Variants in PPP2R5E observed in about 807,000 individuals in gnomAD.
PPP2R5E encodes the protein serine/threonine-protein phosphatase 2A 56 kDa regulatory subunit epsilon isoform.
Under a neutral mutation model 65.3 loss-of-function variants are expected in PPP2R5E, and 4 were observed. The observed-to-expected ratio is 0.06, with a 90% CI of 0.03 to 0.14. The LOEUF (loss-of-function observed/expected upper bound fraction) is 0.14. PPP2R5E is among the 10% of genes least tolerant of loss of function. PPP2R5E has a pLI of 1.00. For synonymous variants in PPP2R5E, 183 were observed against 187.4 expected (o/e 0.98, Z 0.19); for missense variants, 274 against 556.1 (o/e 0.49, Z 5.10).
chr14:63,532,810 A>G (rs999859783), intron 2 of PPP2R5E, among the ~76,000 whole-genome samples: 1 of 152,182 alleles, frequency 6.6e-6, no homozygotes, highest in Non-Finnish European at 1.5e-5. Flanking sequence ...TGTAGTAACC[A>G]CTAAAATAGA....
chr14:63,443,206 G>A (rs1449567229), intron 3 of PPP2R5E, among the ~76,000 whole-genome samples: 6 of 152,046 alleles, frequency 3.9e-5, no homozygotes, highest in Non-Finnish European at 7.4e-5. Context: ...ACAACGTAAC[G>A]AACTCAAAGA....
chr14:63,476,661 T>C (rs1890426508), intron 2 of PPP2R5E, among the ~76,000 whole-genome samples: 1 of 152,192 alleles, frequency 6.6e-6, no homozygotes, highest in South Asian at 2.1e-4. Context: ...AGGCATTCAA[T>C]GCCCTACTAT....
chr14:63,423,362 G>T (rs1377847536), intron 3 of PPP2R5E, among the ~76,000 whole-genome samples: 2 of 152,202 alleles, frequency 1.3e-5, no homozygotes, highest in African/African-American at 4.8e-5. Flanking sequence ...CTCCCAAAGT[G>T]CAGGGATTAC....
chr14:63,541,435 T>C (rs1893901300), intron 1 of PPP2R5E, among the ~76,000 whole-genome samples: 1 of 152,240 alleles, frequency 6.6e-6, no homozygotes, highest in African/African-American at 2.4e-5. Flanking sequence ...CACTTTTGAA[T>C]TGTTTAACCC....
At chr14:63,441,908 TA>T (rs11291949) in intron 3 of PPP2R5E, among the ~76,000 whole-genome samples, 45,667 of 133,426 alleles carry the variant, frequency 0.34, 9,219 homozygotes, top group African/African-American at 0.6. Context: ...AGACTCCGTC[TA>T]AAAAAAAAAA....
intron 2 of PPP2R5E, among the ~76,000 whole-genome samples, chr14:63,461,846 A>C (rs1281184001): frequency 7.5e-6 from 1 of 133,522 alleles, no homozygotes. Context: ...CCCCTCACAC[A>C]TACACACACA....
chr14:63,529,182 G>A (rs1295730978), intron 2 of PPP2R5E, among the ~76,000 whole-genome samples: 1 of 152,004 alleles, frequency 6.6e-6, no homozygotes, highest in Non-Finnish European at 1.5e-5. Context: ...GGTTGATCTT[G>A]AACACCTGGC....
At chr14:63,491,587 C>A (rs1199948685) in intron 2 of PPP2R5E, among the ~76,000 whole-genome samples, 1 of 152,030 alleles carries the variant, frequency 6.6e-6, no homozygotes, top group Non-Finnish European at 1.5e-5. Flanking sequence ...GTGGCTCATG[C>A]CTATAATGGC....
chr14:63,520,674 T>C (rs905257793), intron 2 of PPP2R5E, among the ~76,000 whole-genome samples: 1 of 151,812 alleles, frequency 6.6e-6, no homozygotes, highest in Non-Finnish European at 1.5e-5. Flanking sequence ...GTTAGCCAGG[T>C]CCTAGGCGGA....
intron 2 of PPP2R5E, among the ~76,000 whole-genome samples, chr14:63,469,562 C>T (rs763229373): frequency 1.3e-5 from 2 of 152,116 alleles, no homozygotes; most frequent in African/African-American, 4.8e-5. Flanking sequence ...GGCGTGGTGG[C>T]GAGCGCCTGT....
chr14:63,392,108 A>C (rs1463119132), intron 8 of PPP2R5E, 83 bp from the exon 9 acceptor site: 10 of 1,050,600 alleles, frequency 9.5e-6, no homozygotes, highest in Admixed American at 2.8e-5. Context: ...AACTTCCTAA[A>C]AGGTTTCCAG....
At chr14:63,464,658 T>G (rs1263086119) in intron 2 of PPP2R5E, among the ~76,000 whole-genome samples, 1 of 152,200 alleles carries the variant, frequency 6.6e-6, no homozygotes, top group African/African-American at 2.4e-5. Context: ...AATCACACTT[T>G]TACTGTTTAC....
intron 3 of PPP2R5E, chr14:63,451,844 T>C (rs1031965279): frequency 7.2e-5 from 11 of 152,194 alleles, no homozygotes; most frequent in African/African-American, 2.7e-4. Flanking sequence ...GAGAAATCTC[T>C]GTACTTTCCT....
In PPP2R5E at chr14:63,378,450, GACATCATTAAA is replaced by G. The variant is rs559500074; in HGVS notation, c.1305-2353_1305-2343del. On this transcript the variant is annotated intron_variant, in intron 13 of 13. Transcript: ENST00000337537. Reference sequence around the variant, plus strand: ...GGCATAAATTGGTTAATTAAGTGTTGACATCATTAAAACATTCATCATCTTGTTACTAAAGT... The same window carrying G: ...GGCATAAATTGGTTAATTAAGTGTTGACATTCATCATCTTGTTACTAAAGT... Among the ~76,000 whole-genome samples, 17 of 152,282 alleles carry G rather than the reference GACATCATTAAA, an allele frequency of 1.1e-4. No individual in the cohort carries two copies. In the East Asian group the frequency reaches 3.3e-3, roughly 29 times the overall value.
intron 3 of PPP2R5E, among the ~76,000 whole-genome samples, chr14:63,428,751 A>AT (rs1223277041): frequency 1.3e-5 from 2 of 152,178 alleles, no homozygotes; most frequent in African/African-American, 4.8e-5. Flanking sequence ...ATTTAGGCAT[A>AT]TTTTTATCAG....
intron 2 of PPP2R5E, among the ~76,000 whole-genome samples, chr14:63,508,407 C>A (rs977293569): frequency 6.6e-6 from 1 of 152,096 alleles, no homozygotes; most frequent in African/African-American, 2.4e-5. Context: ...CCATTTAAGC[C>A]CTTCTGGTAT....
At chr14:63,392,951 A>T (rs1445695778) in intron 8 of PPP2R5E, among the ~76,000 whole-genome samples, 1 of 152,198 alleles carries the variant, frequency 6.6e-6, no homozygotes, top group Non-Finnish European at 1.5e-5. Flanking sequence ...TAGCACAAAA[A>T]TTAGAATGGG....
Position 63,382,034 on chromosome 14 carries a change from C to CA in PPP2R5E, c.1304+21dup, listed in dbSNP as rs776849393. 21 of 1,586,008 alleles carry CA rather than the reference C, an allele frequency of 1.3e-5. No homozygotes were observed. The African/African-American group carries it at 1.5e-4, about 11-fold the overall frequency. Reference sequence around the variant, plus strand: ...ACTCAATAGCTTTATGCACAGCTGACAAAAAAGCTTTAAAAAGTTACCGCT... The same window carrying CA: ...ACTCAATAGCTTTATGCACAGCTGACAAAAAAAGCTTTAAAAAGTTACCGCT... On this transcript the variant is annotated intron_variant, in intron 13 of 13. Transcript: ENST00000337537.
intron 2 of PPP2R5E, among the ~76,000 whole-genome samples, chr14:63,522,059 T>C (rs1566760350): frequency 6.9e-6 from 1 of 145,132 alleles, no homozygotes; most frequent in Non-Finnish European, 1.5e-5. Context: ...TTCTCCTGCC[T>C]CAGCTTGCCG....
Sources: allele counts gnomAD v4.1 joint callset (sites outside exome capture counted in the v4.1 genomes callset), GRCh38; gene constraint gnomAD v4.1.1; transcripts MANE v1.5; gene names NCBI Gene and HGNC (gene_info 2026-07-23, HGNC 2026-07-21).